WDR33: variants seen among roughly 807,000 people sequenced by gnomAD.
The protein encoded by WDR33 is pre-mRNA 3' end processing protein WDR33.
WDR33 carries 47 observed loss-of-function variants against 164.9 expected under a neutral mutation model. That is an observed-to-expected ratio of 0.29 (90% confidence interval 0.23 to 0.36). WDR33 has a LOEUF of 0.36. Among genes scored for constraint, WDR33 ranks in the 10% least tolerant of loss-of-function variants. WDR33 has a pLI of 1.00. For missense variants in WDR33, 1,137 were observed against 1,754.1 expected, an observed-to-expected ratio of 0.65 and a Z score of 6.28; for synonymous variants, 505 against 589.0, an observed-to-expected ratio of 0.86 and a Z score of 2.06.
At position 127,706,531 on chromosome 2, in the gene WDR33, G is replaced by A. The variant is rs769356002; in HGVS notation, c.3803C>T (p.Ala1268Val). 6.2e-7 allele frequency: 1 copy of A among 1,610,832 alleles called. No individual in the cohort carries two copies. Among genetic ancestry groups the A allele is most frequent in the East Asian group, 2.2e-5 (1 of 44,702 alleles). ...ACGCCCAGATTTGGGCACTCTCTGA[G>A]CAGGTCCTGGGCCCCCTCGGCCTGA... ...GGKGRGGPGP[A>V]QRVPKSGRSS... Residue 1268 changes from alanine to valine, a missense_variant, in exon 22 of 22, where the codon GCT (alanine) becomes GTT (valine). Physicochemically the swap from Ala to Val is moderately conservative, Grantham distance 64 (BLOSUM62 0). Coordinates refer to ENST00000322313, the MANE Select transcript of WDR33 (RefSeq NM_018383.5). The surrounding 1 kb of genome is among the most constrained non-coding windows in gnomAD (Gnocchi z 5.1).
chr2:127,778,715 G>C (rs1688270803), intron 1 of WDR33, among the ~76,000 whole-genome samples: 1 of 152,136 alleles, frequency 6.6e-6, no homozygotes, highest in Non-Finnish European at 1.5e-5. Context: ...TAAAGTGAGG[G>C]AGGCAAGGGC....
At chr2:127,782,232 C>T (rs559397108) in intron 1 of WDR33, among the ~76,000 whole-genome samples, 2 of 152,012 alleles carry the variant, frequency 1.3e-5, no homozygotes, top group East Asian at 3.9e-4. Flanking sequence ...CATGGTGACA[C>T]CCTGTCTCTA....
chr2:127,755,812 G>A (rs1687501795), intron 7 of WDR33, among the ~76,000 whole-genome samples: 1 of 152,168 alleles, frequency 6.6e-6, no homozygotes, highest in African/African-American at 2.4e-5. Context: ...GTCTGTTGGA[G>A]ACAAAATATT....
intron 1 of WDR33, among the ~76,000 whole-genome samples, chr2:127,786,778 T>C (rs1471510770): frequency 1.3e-5 from 2 of 152,064 alleles, no homozygotes. Context: ...TGTAGATTCC[T>C]TGGGATTTTC....
chr2:127,761,546 G>C (rs1687677894), intron 7 of WDR33, among the ~76,000 whole-genome samples: 1 of 152,158 alleles, frequency 6.6e-6, no homozygotes, highest in Non-Finnish European at 1.5e-5. Flanking sequence ...TTTTCTCTAA[G>C]TTTCCAGGAT....
intron 8 of WDR33, 29 bp from the exon 9 acceptor site, chr2:127,725,244 CAG>C (rs1209414529): frequency 5.7e-6 from 9 of 1,570,880 alleles, no homozygotes; most frequent in Non-Finnish European, 6.9e-6. Context: ...AAAAAAATGT[CAG>C]AATTCAAAAC....
chr2:127,708,884 G>C lies in WDR33; in HGVS notation c.3574C>G (p.His1192Asp). 1 of 1,560,194 alleles carries C rather than the reference G, an allele frequency of 6.4e-7. No homozygotes were observed. Among genetic ancestry groups the C allele is most frequent in the Non-Finnish European group, 8.7e-7 (1 of 1,148,912 alleles). The change falls in exon 21 of 22, where the codon CAT (histidine) becomes GAT (aspartate). Residue 1192 changes from histidine (H) to aspartate (D), a missense_variant. Transcript: ENST00000322313. This position sits in a 1 kb window ranked among gnomAD's most constrained non-coding sequence, Gnocchi z 6.7. ...CGGGGAGTATCACGAAAATGTTCAT[G>C]ACCTGGCCCTGAAACAAGAAACAAA... ...WDGNREPGPG[H>D]EHFRDTPRPD...
chr2:127,735,781 C>A lies in WDR33; in HGVS notation c.725-9004G>T. ...AAGCATAAGTAATCTGTGCTCTGGT[C>A]AAGGAATATGCAATTTATTAGTATT... On this transcript the variant is annotated intron_variant, in intron 7 of 21. Transcript: ENST00000322313. The surrounding 1 kb of genome is among the most constrained non-coding windows in gnomAD (Gnocchi z 4.3). 1 of 985,428 alleles carries A rather than the reference C, an allele frequency of 1.0e-6. No homozygotes were observed. Among genetic ancestry groups the A allele is most frequent in the Non-Finnish European group, 1.2e-6 (1 of 829,918 alleles). 61.0% of individuals were successfully genotyped at this position (985,428 alleles called of 1,614,324 possible).
At chr2:127,796,903 T>C (rs1689060164) in intron 1 of WDR33, among the ~76,000 whole-genome samples, 1 of 152,172 alleles carries the variant, frequency 6.6e-6, no homozygotes, top group South Asian at 2.1e-4. Context: ...GGAAAAACTG[T>C]CTGTTTCCCC....
In WDR33 at chr2:127,720,168, A is replaced by G; in HGVS notation, c.1857T>C (p.Pro619=). ...QMPMNMAQMG[P]PGPQGQFRPP... The stretch of plus-strand genomic sequence containing the variant: ...GCCTAAACTGTCCCTGTGGACCTGG[A>G]GGCCCCATTTGAGCCATGTTCATTG... The change falls in exon 16 of 22, where the codon CCT becomes CCC. Residue 619 remains proline (P), a synonymous_variant. Coordinates refer to ENST00000322313, the MANE Select transcript of WDR33 (RefSeq NM_018383.5). This position sits in a 1 kb window ranked among gnomAD's most constrained non-coding sequence, Gnocchi z 5.9. The G allele has an allele frequency of 6.2e-7, 1 of 1,613,738 alleles. No individual in the cohort carries two copies. The highest frequency in any genetic ancestry group is 8.5e-7 in the Non-Finnish European group (1 of 1,179,892).
chr2:127,740,793 T>C (rs1234017656), intron 7 of WDR33, among the ~76,000 whole-genome samples: 2 of 152,206 alleles, frequency 1.3e-5, no homozygotes, highest in Non-Finnish European at 2.9e-5. Flanking sequence ...CATGATTTAA[T>C]ACTAAGTAAA....
chr2:127,806,928 A>G (rs779266723), intron 1 of WDR33, among the ~76,000 whole-genome samples: 3 of 152,228 alleles, frequency 2.0e-5, no homozygotes, highest in Admixed American at 6.5e-5. Context: ...CAAAATGGTT[A>G]AATGTTGGTT....
intron 1 of WDR33, among the ~76,000 whole-genome samples, chr2:127,804,039 G>A (rs951525374): frequency 6.6e-6 from 1 of 151,902 alleles, no homozygotes; most frequent in Non-Finnish European, 1.5e-5. Context: ...ATCTAGATTG[G>A]GACCGGGTGC....
At chr2:127,778,466 A>C (rs1688262371) in intron 1 of WDR33, among the ~76,000 whole-genome samples, 1 of 146,784 alleles carries the variant, frequency 6.8e-6, no homozygotes, top group Non-Finnish European at 1.5e-5. Context: ...AAAAAGAAAC[A>C]AACAAAAACA....
Position 127,719,906 on chromosome 2 carries a change from G to A in WDR33, c.2119C>T (p.Pro707Ser). ...GSSGPQGHMG[P>S]QGPPGPQGHI... Reference sequence around the variant, plus strand: ...CCCTGTGGGCCAGGTGGACCCTGAGGACCCATATGACCTTGAGGACCAGAA... The same window carrying A: ...CCCTGTGGGCCAGGTGGACCCTGAGAACCCATATGACCTTGAGGACCAGAA... The change falls in exon 16 of 22, where the codon CCT becomes TCT. Residue 707 changes from proline (P) to serine (S), a missense_variant. Physicochemically the swap from Pro to Ser is moderately conservative, Grantham distance 74. Coordinates refer to ENST00000322313, the MANE Select transcript of WDR33 (RefSeq NM_018383.5). This position sits in a 1 kb window ranked among gnomAD's most constrained non-coding sequence, Gnocchi z 6.5. 1 of 1,613,904 alleles carries A rather than the reference G, an allele frequency of 6.2e-7. No individual in the cohort carries two copies. The highest frequency in any genetic ancestry group is 1.3e-5 in the African/African-American group (1 of 75,006).
intron 7 of WDR33, among the ~76,000 whole-genome samples, chr2:127,750,779 T>C (rs1401069886): frequency 7.6e-6 from 1 of 130,962 alleles, no homozygotes; most frequent in Non-Finnish European, 1.6e-5. Flanking sequence ...TATACACATA[T>C]ATATACACAC....
rs1685924913 is a variant in WDR33, at chr2:127,702,725, G to GT, written c.*3597dup. The stretch of plus-strand genomic sequence containing the variant: ...AAGTACTTAAGATGGTTTATCTCGG[G>GT]TTTTTTCTTCAGTTAACAAAATCAT... On this transcript the variant is annotated 3_prime_UTR_variant, in exon 22 of 22. Coordinates refer to ENST00000322313, the MANE Select transcript of WDR33 (RefSeq NM_018383.5). 1 of 166,922 alleles carries GT rather than the reference G, an allele frequency of 6.0e-6. No homozygotes were observed. Among genetic ancestry groups the GT allele is most frequent in the African/African-American group, 2.4e-5 (1 of 41,350 alleles). The allele number at this position is 166,922 out of a possible 1,614,324, so 10.3% of individuals were successfully genotyped here.
chr2:127,701,849 G>A lies in WDR33; in HGVS notation c.*4474C>T, dbSNP rs906598381. 1.2e-5 allele frequency: 18 copies of A among 1,459,714 alleles called. No homozygotes were observed. In the African/African-American group the frequency reaches 2.2e-4, roughly 18 times the overall value. The allele number at this position is 1,459,714 out of a possible 1,614,324, so 90.4% of individuals were successfully genotyped here. On this transcript the variant is annotated 3_prime_UTR_variant, in exon 22 of 22. Transcript: ENST00000322313. ...CGGTGTTGCTGCTGCGCGCGCGCAA[G>A]TTCGCGCTGCTCTGGTCACTGGGCT...
intron 7 of WDR33, among the ~76,000 whole-genome samples, chr2:127,754,603 T>G (rs893957911): frequency 2.0e-5 from 3 of 147,212 alleles, no homozygotes; most frequent in South Asian, 2.3e-4. Context: ...TTTTTTTTTT[T>G]GTAGAAACAG....
Sources: allele counts gnomAD v4.1 joint callset (sites outside exome capture counted in the v4.1 genomes callset), GRCh38; gene constraint gnomAD v4.1.1; non-coding constraint Gnocchi (gnomAD v3.1); transcripts MANE v1.5; gene names NCBI Gene and HGNC (gene_info 2026-07-23, HGNC 2026-07-21).